Variants in SPAG16 observed in about 807,000 individuals in gnomAD.
The protein encoded by SPAG16 is sperm-associated antigen 16 protein.
SPAG16 carries 86 observed loss-of-function variants against 80.4 expected under a neutral mutation model. The ratio of observed to expected loss-of-function variants is 1.07; its 90% CI spans 0.90 to 1.28. SPAG16 has a LOEUF of 1.28. SPAG16 is among the 50% of genes most tolerant of loss of function. The probability of loss-of-function intolerance (pLI) is 0.00; values close to 1 mark genes in which losing one functional copy is unlikely to be tolerated. For missense variants in SPAG16, 870 were observed against 765.3 expected, an observed-to-expected ratio of 1.14 and a Z score of -1.61; for synonymous variants, 294 against 265.9, an observed-to-expected ratio of 1.11 and a Z score of -1.03.
At position 213,778,074 on chromosome 2, in the gene SPAG16, C is replaced by A. The variant is rs139464501; in HGVS notation, c.1071-84411C>A. Among the ~76,000 whole-genome samples the A allele has an allele frequency of 1.8e-3, 266 of 151,718 alleles. 2 individuals carry two copies. The highest frequency in any genetic ancestry group is 6.2e-3 in the African/African-American group (257 of 41,378). ...ATACTGTATGTATAAGCTGTCCAAC[C>A]CAGGAAATCTAAATATATAGAATGA... On this transcript the variant is annotated intron_variant, in intron 10 of 15. Transcript: ENST00000331683.
At chr2:213,611,566 C>T (rs976018627) in intron 10 of SPAG16, among the ~76,000 whole-genome samples, 6 of 152,138 alleles carry the variant, frequency 3.9e-5, no homozygotes, top group South Asian at 4.2e-4. Flanking sequence ...TACTTTGAAT[C>T]GTGCCTTCTA....
chr2:214,175,671 T>C (rs991096541), intron 15 of SPAG16, among the ~76,000 whole-genome samples: 2 of 151,504 alleles, frequency 1.3e-5, no homozygotes, highest in Non-Finnish European at 3.0e-5. Flanking sequence ...AAACAATATA[T>C]ATGCTTTTAA....
intron 13 of SPAG16, among the ~76,000 whole-genome samples, chr2:214,021,943 C>A (rs968409148): frequency 6.6e-6 from 1 of 152,104 alleles, no homozygotes; most frequent in African/African-American, 2.4e-5. Flanking sequence ...GCCTGACACA[C>A]CTTTTCCCCT....
intron 9 of SPAG16, among the ~76,000 whole-genome samples, chr2:213,440,423 C>T (rs536721447): frequency 7.4e-4 from 113 of 152,050 alleles, no homozygotes; most frequent in African/African-American, 1.4e-3. Flanking sequence ...GGCGTGGCGG[C>T]GGGCGCCTGT....
chr2:214,225,334 A>G (rs2058676508), intron 15 of SPAG16, among the ~76,000 whole-genome samples: 1 of 152,122 alleles, frequency 6.6e-6, no homozygotes, highest in Admixed American at 6.6e-5. Flanking sequence ...AGAAGAATTA[A>G]TCTGGCTTTT....
Position 213,353,495 on chromosome 2 carries a change from C to A in SPAG16, c.762+2850C>A, listed in dbSNP as rs35659073. 6.1e-3 allele frequency among the ~76,000 whole-genome samples: 923 copies of A among 152,246 alleles called. 5 individuals carry two copies. The highest frequency in any genetic ancestry group is 0.012 in the Admixed American group (179 of 15,298). ...CTAGCACAATGTAAAATATGAAGGA[C>A]TCTTTAAGGGGTTGTCAATTTTCCT... On this transcript the variant is annotated intron_variant, in intron 7 of 15. Transcript: ENST00000331683.
chr2:213,313,804 A>G (rs2063298758), intron 4 of SPAG16, among the ~76,000 whole-genome samples: 2 of 151,826 alleles, frequency 1.3e-5, no homozygotes, highest in African/African-American at 4.8e-5. Context: ...GTCTGGTTCT[A>G]AGTGATAGTC....
chr2:213,374,982 A>G (rs1247291722), intron 8 of SPAG16, 28 bp from the exon 9 acceptor site: 1 of 1,504,020 alleles, frequency 6.6e-7, no homozygotes, highest in Non-Finnish European at 9.1e-7. Flanking sequence ...CAGTGCAAAT[A>G]TTAAGAATAA....
At chr2:213,868,544 C>T (rs1450373676) in intron 11 of SPAG16, among the ~76,000 whole-genome samples, 1 of 152,114 alleles carries the variant, frequency 6.6e-6, no homozygotes, top group East Asian at 1.9e-4. Flanking sequence ...TTACCTACAC[C>T]AGACGACTGC....
intron 9 of SPAG16, among the ~76,000 whole-genome samples, chr2:213,413,491 T>C (rs186258517): frequency 1.3e-5 from 2 of 152,322 alleles, no homozygotes; most frequent in Admixed American, 6.5e-5. Flanking sequence ...GGTTATACTT[T>C]ACATATGTTT....
intron 9 of SPAG16, among the ~76,000 whole-genome samples, chr2:213,462,157 T>G (rs895598832): frequency 1.3e-5 from 2 of 152,202 alleles, no homozygotes; most frequent in African/African-American, 4.8e-5. Context: ...ACTTGTTATC[T>G]TACCCCATGC....
intron 6 of SPAG16, among the ~76,000 whole-genome samples, chr2:213,345,864 G>T (rs2064952190): frequency 6.6e-6 from 1 of 152,112 alleles, no homozygotes; most frequent in South Asian, 2.1e-4. Flanking sequence ...AGCAATGCAG[G>T]CTCTTTTTTG....
intron 10 of SPAG16, among the ~76,000 whole-genome samples, chr2:213,742,973 C>G (rs1484278841): frequency 6.6e-6 from 1 of 151,590 alleles, no homozygotes; most frequent in Admixed American, 6.6e-5. Flanking sequence ...GTGAGATCTC[C>G]ACTCACTGCG....
intron 15 of SPAG16, among the ~76,000 whole-genome samples, chr2:214,406,526 T>C (rs10164714): frequency 8.4e-4 from 128 of 152,218 alleles, no homozygotes; most frequent in African/African-American, 3.0e-3. Flanking sequence ...ATATTCAAGT[T>C]TTTATAACAA....
At chr2:213,478,160 C>T (rs982611443) in intron 9 of SPAG16, among the ~76,000 whole-genome samples, 5 of 152,190 alleles carry the variant, frequency 3.3e-5, no homozygotes, top group Non-Finnish European at 5.9e-5. Context: ...CGATCTGGAG[C>T]TGAGTCAATT....
chr2:214,394,204 CTTTT>C (rs1338579884), intron 15 of SPAG16, among the ~76,000 whole-genome samples: 1 of 151,996 alleles, frequency 6.6e-6, no homozygotes, highest in Admixed American at 6.6e-5. Flanking sequence ...TTCTGTGTGG[CTTTT>C]TTTCTCTCTC....
chr2:213,656,172 C>A (rs2063213406), intron 10 of SPAG16, among the ~76,000 whole-genome samples: 3 of 152,194 alleles, frequency 2.0e-5, no homozygotes, highest in Admixed American at 2.0e-4. Context: ...TGCTATTATG[C>A]ACAAGTATTA....
chr2:213,574,466 A>C (rs1020694304), intron 10 of SPAG16, among the ~76,000 whole-genome samples: 1 of 151,976 alleles, frequency 6.6e-6, no homozygotes, highest in African/African-American at 2.4e-5. Flanking sequence ...GGAGCTAAAC[A>C]TGGTGTTGGG....
At chr2:214,303,321 T>C (rs888694236) in intron 15 of SPAG16, among the ~76,000 whole-genome samples, 16 of 152,210 alleles carry the variant, frequency 1.1e-4, no homozygotes, top group Non-Finnish European at 1.5e-4. Flanking sequence ...TGTTCTAGTG[T>C]TGATGAATTC....
Sources: gnomAD v4.1 joint callset for allele counts (sites outside exome capture counted in the v4.1 genomes callset) on GRCh38, gnomAD v4.1.1 for gene constraint, MANE v1.5 for transcripts, NCBI Gene and HGNC (gene_info 2026-07-23, HGNC 2026-07-21) for gene names.